The following ITPR1 variants were observed in gnomAD, a reference collection of about 807,000 sequenced individuals.
The protein encoded by ITPR1 is inositol 1,4,5-trisphosphate-gated calcium channel ITPR1.
In ITPR1, 96 loss-of-function variants were observed where a neutral mutation model predicts 318.4. The ratio of observed to expected loss-of-function variants is 0.30; its 90% CI spans 0.26 to 0.36. The LOEUF is 0.36. Ranked by LOEUF, ITPR1 falls within the 10% of genes least tolerant of loss-of-function variation. The pLI is 1.00. For synonymous variants in ITPR1, 1,312 were observed against 1,289.9 expected, an observed-to-expected ratio of 1.02 and a Z score of -0.37; for missense variants, 2,440 against 3,460.2, an observed-to-expected ratio of 0.71 and a Z score of 7.40.
In ITPR1 at chr3:4,717,408, TTTG is replaced by T; in HGVS notation, c.5136+15_5136+17del. On this transcript the variant is annotated intron_variant, in intron 40 of 61. Coordinates refer to ENST00000649015, the MANE Select transcript of ITPR1 (RefSeq NM_001378452.1). ...AATTGGATAATGCTGAGGTCCTAAT[TTTG>T]TTGTTTTTTGTTTTTCATGTCTCAT... 6.3e-7 allele frequency: 1 copy of T among 1,591,942 alleles called. No homozygotes were observed. The highest frequency in any genetic ancestry group is 8.5e-7 in the Non-Finnish European group (1 of 1,173,022).
chr3:4,844,162 C>T (rs180697466), intron 61 of ITPR1, among the ~76,000 whole-genome samples: 6 of 140,808 alleles, frequency 4.3e-5, no homozygotes, highest in African/African-American at 1.6e-4. Context: ...TCTCAGTTGC[C>T]CAGGCTGGAG....
intron 2 of ITPR1, among the ~76,000 whole-genome samples, chr3:4,506,735 A>G (rs1450306391): frequency 1.3e-5 from 2 of 152,236 alleles, no homozygotes; most frequent in African/African-American, 4.8e-5. Flanking sequence ...TTCACTTTCT[A>G]GAGCCCTGGC....
chr3:4,780,026 G>A (rs1244454090), intron 49 of ITPR1, among the ~76,000 whole-genome samples: 3 of 151,876 alleles, frequency 2.0e-5, no homozygotes, highest in Non-Finnish European at 2.9e-5. Context: ...GTGTGGTTAC[G>A]GAACCTAGCA....
chr3:4,570,273 C>T (rs925982149), intron 4 of ITPR1, among the ~76,000 whole-genome samples: 4 of 152,192 alleles, frequency 2.6e-5, no homozygotes, highest in Admixed American at 2.0e-4. Context: ...TGAATGTTTG[C>T]ACTTCTCATA....
intron 4 of ITPR1, among the ~76,000 whole-genome samples, chr3:4,539,001 C>G (rs34253984): frequency 0.037 from 5,562 of 152,240 alleles, 164 homozygotes; most frequent in South Asian, 0.13. Flanking sequence ...GTAACAAACA[C>G]ATGCACATCC....
intron 56 of ITPR1, 171 bp from the exon 57 acceptor site, chr3:4,812,971 C>T (rs1575346692): frequency 3.2e-6 from 2 of 627,118 alleles, no homozygotes; most frequent in East Asian, 5.6e-5. Context: ...TTTTTCCCAT[C>T]CAGATCACCA....
intron 8 of ITPR1, 125 bp downstream of exon 8, chr3:4,644,359 G>C (rs1400852986): frequency 1.5e-6 from 1 of 649,708 alleles, no homozygotes; most frequent in African/African-American, 1.8e-5. Context: ...CCATTCTGCA[G>C]GTGAAGAAAC....
At chr3:4,842,621 G>C (rs924130312) in intron 61 of ITPR1, among the ~76,000 whole-genome samples, 1 of 152,142 alleles carries the variant, frequency 6.6e-6, no homozygotes, top group Non-Finnish European at 1.5e-5. Flanking sequence ...GCCTCCCAAA[G>C]TGCTGGTATT....
chr3:4,512,909 G>A (rs1340913281), intron 2 of ITPR1, among the ~76,000 whole-genome samples: 3 of 148,518 alleles, frequency 2.0e-5, no homozygotes, highest in Non-Finnish European at 4.5e-5. Context: ...GGAGCTGAGC[G>A]CCTAAGCCTG....
chr3:4,813,361 C>A, intron 57 of ITPR1, 127 bp downstream of exon 57: 1 of 634,786 alleles, frequency 1.6e-6, no homozygotes, highest in Non-Finnish European at 2.7e-6. Context: ...AGGGGAAAGG[C>A]TGAGAAAGAG....
At chr3:4,552,346 G>A (rs1398404304) in intron 4 of ITPR1, among the ~76,000 whole-genome samples, 4 of 152,168 alleles carry the variant, frequency 2.6e-5, no homozygotes, top group African/African-American at 4.8e-5. Context: ...CCTCTGGAAC[G>A]TCTGACTGAC....
intron 37 of ITPR1, 57 bp downstream of exon 37, chr3:4,706,408 C>T: frequency 1.4e-6 from 2 of 1,450,042 alleles, no homozygotes; most frequent in Admixed American, 1.9e-5. Context: ...GATTGCCACA[C>T]ACAGCAGTGC....
At position 4,683,508 on chromosome 3, in the gene ITPR1, G is replaced by A. The variant is rs2125232715; in HGVS notation, c.3284G>A (p.Arg1095Gln). 4 of 1,613,996 alleles carry A rather than the reference G, an allele frequency of 2.5e-6. No homozygotes were observed. The highest frequency in any genetic ancestry group is 3.4e-6 in the Non-Finnish European group (4 of 1,179,872). The change falls in exon 27 of 62, where the codon CGG (arginine) becomes CAG (glutamine). Residue 1095 changes from arginine (R) to glutamine (Q), a missense_variant. Physicochemically the swap from Arg to Gln is conservative, Grantham distance 43 (BLOSUM62 1). Coordinates refer to ENST00000649015, the MANE Select transcript of ITPR1 (RefSeq NM_001378452.1). ...LVSGALQLLF[R>Q]HFSQRQEVLQ... ...TCAGGGGCCCTGCAGCTCCTCTTCCGGCACTTCAGCCAGAGGCAGGAGGTG... is the reference window on the plus strand; with the variant it reads ...TCAGGGGCCCTGCAGCTCCTCTTCCAGCACTTCAGCCAGAGGCAGGAGGTG...
intron 4 of ITPR1, among the ~76,000 whole-genome samples, chr3:4,613,094 G>C (rs1358045943): frequency 6.6e-6 from 1 of 152,216 alleles, no homozygotes; most frequent in African/African-American, 2.4e-5. Flanking sequence ...ACGTTTTAGA[G>C]AGACATGAGA....
intron 4 of ITPR1, among the ~76,000 whole-genome samples, chr3:4,590,682 T>A (rs1328737725): frequency 6.6e-6 from 1 of 152,114 alleles, no homozygotes; most frequent in Non-Finnish European, 1.5e-5. Context: ...ACTACAGGCA[T>A]GTGCCAGCAT....
chr3:4,750,856 C>A (rs528415650), intron 44 of ITPR1: 1 of 152,546 alleles, frequency 6.6e-6, no homozygotes, highest in African/African-American at 2.4e-5. Context: ...TCAGCTCCCC[C>A]ATTGTGTAGC....
intron 60 of ITPR1, chr3:4,825,855 A>G (rs756784637): frequency 2.2e-5 from 10 of 455,432 alleles, no homozygotes; most frequent in Admixed American, 1.4e-4. Context: ...TGGTGGGAGG[A>G]GAGTTTCCTG....
intron 4 of ITPR1, among the ~76,000 whole-genome samples, chr3:4,568,769 A>G (rs2087663381): frequency 6.6e-6 from 1 of 152,130 alleles, no homozygotes; most frequent in Non-Finnish European, 1.5e-5. Flanking sequence ...GAAAATGTTG[A>G]TGAGGGCTCT....
intron 44 of ITPR1, among the ~76,000 whole-genome samples, chr3:4,739,995 C>T (rs1353383322): frequency 6.6e-6 from 1 of 152,200 alleles, no homozygotes; most frequent in East Asian, 1.9e-4. Flanking sequence ...GTGGAAGCTA[C>T]TAGCCTTTTC....
Sources: allele counts gnomAD v4.1 joint callset (sites outside exome capture counted in the v4.1 genomes callset), GRCh38; gene constraint gnomAD v4.1.1; transcripts MANE v1.5; gene names NCBI Gene and HGNC (gene_info 2026-07-23, HGNC 2026-07-21).